UNC13C: variants seen among roughly 807,000 people sequenced by gnomAD.
UNC13C encodes protein unc-13 homolog C.
A neutral mutation model predicts 245.4 loss-of-function variants in UNC13C; 174 were observed. The observed-to-expected ratio is 0.71, with a 90% confidence interval of 0.63 to 0.80. UNC13C has a LOEUF of 0.80. Among genes scored for constraint, UNC13C ranks in the 30% least tolerant of loss-of-function variants. The pLI is 0.00. For missense variants in UNC13C, 2,829 were observed against 2,602.9 expected (o/e 1.09, Z -1.89); for synonymous variants, 992 against 895.1 (o/e 1.11, Z -1.93).
chr15:54,377,744 A>G (rs1228459818), intron 17 of UNC13C, among the ~76,000 whole-genome samples: 2 of 152,188 alleles, frequency 1.3e-5, no homozygotes, highest in African/African-American at 4.8e-5. Flanking sequence ...CAGCTCCCTC[A>G]GGCCTCTTTT....
intron 2 of UNC13C, among the ~76,000 whole-genome samples, chr15:54,079,168 ATGTG>A (rs1220311654): frequency 6.6e-6 from 1 of 151,996 alleles, no homozygotes; most frequent in Non-Finnish European, 1.5e-5. Context: ...CCATTGATCT[ATGTG>A]TGTATTTCTG....
At chr15:54,531,822 A>G (rs867512278) in intron 25 of UNC13C, among the ~76,000 whole-genome samples, 2 of 152,104 alleles carry the variant, frequency 1.3e-5, no homozygotes, top group African/African-American at 2.4e-5. Flanking sequence ...CCCATTAGCA[A>G]TAAGTCCCAT....
chr15:54,545,357 C>T (rs1032092055), intron 26 of UNC13C, among the ~76,000 whole-genome samples: 4 of 152,094 alleles, frequency 2.6e-5, no homozygotes, highest in African/African-American at 9.7e-5. Context: ...AGAAGAAAAC[C>T]TAGGCAATAC....
chr15:53,895,034 T>TA, the UNC13C span, among the ~76,000 whole-genome samples: 1,894 of 152,160 alleles, frequency 0.012, 39 homozygotes, highest in African/African-American at 0.043. Context: ...TTTCCATGAA[T>TA]AAAGCTTTTA....
At chr15:54,449,940 G>T (rs1033789524) in intron 19 of UNC13C, among the ~76,000 whole-genome samples, 1 of 152,186 alleles carries the variant, frequency 6.6e-6, no homozygotes, top group Non-Finnish European at 1.5e-5. Flanking sequence ...GTGACGTACA[G>T]ATGGGGTTTT....
intron 4 of UNC13C, 42 bp from the exon 5 acceptor site, chr15:54,234,988 C>A (rs753009208): frequency 1.3e-6 from 2 of 1,558,480 alleles, no homozygotes; most frequent in South Asian, 2.2e-5. Flanking sequence ...TACAAGAAGT[C>A]ATTTTACCCA....
At chr15:53,995,982 T>C (rs374895992) in intron 1 of UNC13C, among the ~76,000 whole-genome samples, 3 of 152,174 alleles carry the variant, frequency 2.0e-5, no homozygotes, top group Non-Finnish European at 2.9e-5. Flanking sequence ...CCGAAGGCTC[T>C]TGTTCATTTG....
At chr15:54,562,224 G>A (rs1897324176) in intron 29 of UNC13C, among the ~76,000 whole-genome samples, 1 of 151,938 alleles carries the variant, frequency 6.6e-6, no homozygotes, top group South Asian at 2.1e-4. Context: ...CATTCACATA[G>A]CTCTTCCAGT....
intron 2 of UNC13C, among the ~76,000 whole-genome samples, chr15:54,125,314 T>C (rs2141202624): frequency 6.6e-6 from 1 of 152,184 alleles, no homozygotes; most frequent in South Asian, 2.1e-4. Context: ...ATACAAAAAA[T>C]TAGCCTGGCA....
intron 2 of UNC13C, among the ~76,000 whole-genome samples, chr15:54,080,289 G>A (rs1898873300): frequency 6.6e-6 from 1 of 151,718 alleles, no homozygotes; most frequent in African/African-American, 2.4e-5. Flanking sequence ...TTCTATTTTT[G>A]TTGTGTCATT....
At chr15:54,033,377 T>C (rs1218252395) in intron 2 of UNC13C, among the ~76,000 whole-genome samples, 1 of 152,212 alleles carries the variant, frequency 6.6e-6, no homozygotes, top group Non-Finnish European at 1.5e-5. Flanking sequence ...TCCTAATTTT[T>C]TTAATTAAAT....
At chr15:54,514,048 C>T (rs1894865534) in intron 24 of UNC13C, among the ~76,000 whole-genome samples, 1 of 152,088 alleles carries the variant, frequency 6.6e-6, no homozygotes, top group Non-Finnish European at 1.5e-5. Flanking sequence ...TTAATTGATA[C>T]AGAATTATGA....
chr15:53,931,870 C>T, the UNC13C span, among the ~76,000 whole-genome samples: 16 of 152,216 alleles, frequency 1.1e-4, no homozygotes, highest in East Asian at 3.9e-4. Flanking sequence ...CGGTTCATAT[C>T]GTAGGCATGA....
intron 19 of UNC13C, among the ~76,000 whole-genome samples, chr15:54,490,478 G>T (rs1282885918): frequency 6.6e-6 from 1 of 152,102 alleles, no homozygotes. Context: ...AGATCTATAA[G>T]TTCTGAGCAG....
chr15:54,076,512 C>G (rs887594812), intron 2 of UNC13C, among the ~76,000 whole-genome samples: 1 of 151,910 alleles, frequency 6.6e-6, no homozygotes, highest in African/African-American at 2.4e-5. Context: ...TTTAAATGCT[C>G]TCCACCATTT....
chr15:54,476,763 T>G (rs940695328), intron 19 of UNC13C, among the ~76,000 whole-genome samples: 1 of 147,528 alleles, frequency 6.8e-6, no homozygotes, highest in African/African-American at 2.5e-5. Flanking sequence ...GCTTTGTTCT[T>G]TTGGCTTAGG....
At chr15:54,167,255 C>T (rs984083652) in intron 4 of UNC13C, among the ~76,000 whole-genome samples, 4 of 152,022 alleles carry the variant, frequency 2.6e-5, no homozygotes, top group African/African-American at 9.7e-5. Context: ...GTAATCCCAG[C>T]ACGTTGGGAG....
intron 4 of UNC13C, among the ~76,000 whole-genome samples, chr15:54,211,496 C>G (rs1007772344): frequency 6.6e-6 from 1 of 152,032 alleles, no homozygotes; most frequent in African/African-American, 2.4e-5. Context: ...ATCAAGTTAT[C>G]CTACTATGAC....
chr15:54,023,749 CA>C (rs1895994169), intron 2 of UNC13C, among the ~76,000 whole-genome samples: 1 of 152,108 alleles, frequency 6.6e-6, no homozygotes, highest in Non-Finnish European at 1.5e-5. Context: ...AAGCTAAAGG[CA>C]TGGTGCATTT....
Sources: allele counts gnomAD v4.1 joint callset (sites outside exome capture counted in the v4.1 genomes callset), GRCh38; gene constraint gnomAD v4.1.1; transcripts MANE v1.5; gene names NCBI Gene and HGNC (gene_info 2026-07-23, HGNC 2026-07-21).